PODXL: variants seen among roughly 807,000 people sequenced by gnomAD.
PODXL encodes podocalyxin like.
A neutral mutation model predicts 48.9 loss-of-function variants in PODXL; 20 were observed. The ratio of observed to expected loss-of-function variants is 0.41; its 90% CI spans 0.29 to 0.59. The LOEUF (loss-of-function observed/expected upper bound fraction) is 0.59. PODXL is among the 20% of genes least tolerant of loss of function. The pLI, the probability that PODXL is intolerant of heterozygous loss-of-function variation, is 0.31. For missense variants in PODXL, 606 were observed against 675.1 expected, an observed-to-expected ratio of 0.90 and a Z score of 1.13; for synonymous variants, 295 against 287.4, an observed-to-expected ratio of 1.03 and a Z score of -0.27.
chr7:131,545,185 C>T (rs150776120), intron 1 of PODXL, among the ~76,000 whole-genome samples: 32 of 152,302 alleles, frequency 2.1e-4, no homozygotes, highest in African/African-American at 7.0e-4. Context: ...TTTAACAGAG[C>T]CTCCCACTTC....
chr7:131,538,633 AC>A (rs1268133682), intron 1 of PODXL, among the ~76,000 whole-genome samples: 1 of 151,990 alleles, frequency 6.6e-6, no homozygotes, highest in Non-Finnish European at 1.5e-5. Flanking sequence ...AATTCAATCG[AC>A]GGTGCCACCC....
intron 1 of PODXL, among the ~76,000 whole-genome samples, chr7:131,553,424 AT>A (rs1798696309): frequency 6.6e-6 from 1 of 152,166 alleles, no homozygotes; most frequent in Non-Finnish European, 1.5e-5. Context: ...CATTGGCAGG[AT>A]CCCAATGCCT....
rs1797875008 is a variant in PODXL, at chr7:131,509,574, T to C, written c.814A>G (p.Ile272Val). Reference sequence around the variant, plus strand: ...GAGGTCTGTTGAGTTCTTTGCGAGATAACCGATGACGCTGTCATTGGGAAA... The same window carrying C: ...GAGGTCTGTTGAGTTCTTTGCGAGACAACCGATGACGCTGTCATTGGGAAA... ...QSAGITASSV[I>V]SQRTQQTSSQ... is the part of the protein sequence containing the mutation. The change falls in exon 4 of 9, where the codon ATC becomes GTC. Residue 272 changes from isoleucine to valine, a missense_variant. By Grantham distance (29) the Ile-to-Val change is conservative (BLOSUM62 3). Transcript: ENST00000378555. The C allele has an allele frequency of 6.5e-7, 1 of 1,549,110 alleles. No homozygotes were observed. The highest frequency in any genetic ancestry group is 1.2e-5 in the South Asian group (1 of 81,426).
intron 1 of PODXL, among the ~76,000 whole-genome samples, chr7:131,540,104 G>A (rs576115531): frequency 3.4e-4 from 51 of 152,182 alleles, no homozygotes; most frequent in Non-Finnish European, 4.9e-4. Flanking sequence ...GTGCGGTGGC[G>A]CGATCACGGC....
intron 1 of PODXL, among the ~76,000 whole-genome samples, chr7:131,525,409 C>CA (rs1028859975): frequency 1.8e-4 from 17 of 96,464 alleles, no homozygotes; most frequent in African/African-American, 7.0e-4. Context: ...GCCAACATGG[C>CA]AAAACCTCAT....
At chr7:131,532,428 T>A (rs1798295314) in intron 1 of PODXL, among the ~76,000 whole-genome samples, 1 of 142,522 alleles carries the variant, frequency 7.0e-6, no homozygotes, top group Admixed American at 7.1e-5. Context: ...AAAGCAAGAC[T>A]CCGTCTCAAA....
intron 8 of PODXL, among the ~76,000 whole-genome samples, chr7:131,504,866 A>T (rs1450014868): frequency 6.6e-6 from 1 of 152,174 alleles, no homozygotes; most frequent in Non-Finnish European, 1.5e-5. Context: ...AAACACTATT[A>T]AAAAATGACC....
chr7:131,530,759 GA>G lies in PODXL; in HGVS notation c.101-19327del, dbSNP rs886450674. Among the ~76,000 whole-genome samples, 629 of 71,730 alleles carry G rather than the reference GA, an allele frequency of 8.8e-3. 2 individuals carry two copies. The highest frequency in any genetic ancestry group is 0.017 in the African/African-American group (328 of 19,628). The allele number at this position is 71,730 out of a possible 152,430, so 47.1% of individuals were successfully genotyped here. On this transcript the variant is annotated intron_variant, in intron 1 of 8. Coordinates refer to ENST00000378555, the MANE Select transcript of PODXL (RefSeq NM_001018111.3). ...GGCAATGGGGAAAGATCATGTCTCA[GA>G]AAAAAAAAAAAAAAAAAGGCCAGGT...
chr7:131,555,879 T>A (rs1178086432), intron 1 of PODXL, among the ~76,000 whole-genome samples: 2 of 152,124 alleles, frequency 1.3e-5, no homozygotes, highest in Non-Finnish European at 2.9e-5. Flanking sequence ...AGCCCCTCAT[T>A]CCCTCCAACA....
At chr7:131,515,550 C>T (rs1418065225) in intron 1 of PODXL, among the ~76,000 whole-genome samples, 1 of 152,068 alleles carries the variant, frequency 6.6e-6, no homozygotes, top group African/African-American at 2.4e-5. Flanking sequence ...TACAAGTGCA[C>T]GCCACCATGC....
chr7:131,533,450 C>T (rs903943699), intron 1 of PODXL, among the ~76,000 whole-genome samples: 9 of 152,334 alleles, frequency 5.9e-5, no homozygotes, highest in East Asian at 3.9e-4. Context: ...CTGGCCTGCC[C>T]GGCACCCGCT....
intron 1 of PODXL, among the ~76,000 whole-genome samples, chr7:131,522,229 T>G (rs1798103482): frequency 6.6e-6 from 1 of 152,108 alleles, no homozygotes; most frequent in Admixed American, 6.5e-5. Context: ...GGTGGGTAGA[T>G]CACCTGAGGT....
chr7:131,505,953 G>A lies in PODXL; in HGVS notation c.1394C>T (p.Thr465Ile). The A allele has an allele frequency of 1.2e-6, 2 of 1,608,302 alleles. No homozygotes were observed. Among genetic ancestry groups the A allele is most frequent in the Non-Finnish European group, 1.7e-6 (2 of 1,177,840 alleles). Residue 465 changes from threonine to isoleucine, a missense_variant, in exon 8 of 9, where the codon ACC (threonine) becomes ATC (isoleucine). By Grantham distance (89) the Thr-to-Ile change is moderately conservative. Transcript: ENST00000378555. ...CAGGAATGATGCCATGCAGACGATG[G>A]TGATGATGAGGGGCATGCTGAAGCG... ...EDRFSMPLII[T>I]IVCMASFLLL...
chr7:131,524,409 A>AG (rs760491817), intron 1 of PODXL, among the ~76,000 whole-genome samples: 7 of 72,138 alleles, frequency 9.7e-5, no homozygotes, highest in Non-Finnish European at 1.6e-4. Flanking sequence ...GAGAGAGAGA[A>AG]AACAACAAGG....
At chr7:131,542,394 G>A (rs914368613) in intron 1 of PODXL, among the ~76,000 whole-genome samples, 2 of 152,154 alleles carry the variant, frequency 1.3e-5, no homozygotes, top group Non-Finnish European at 2.9e-5. Flanking sequence ...GGTGACTCAC[G>A]CCTGTAATCC....
At chr7:131,515,786 G>C (rs866544589) in intron 1 of PODXL, among the ~76,000 whole-genome samples, 1 of 152,114 alleles carries the variant, frequency 6.6e-6, no homozygotes, top group Non-Finnish European at 1.5e-5. Context: ...GAATTCACTT[G>C]CCAGGAAGCT....
intron 1 of PODXL, among the ~76,000 whole-genome samples, chr7:131,538,101 C>T (rs1228866940): frequency 1.3e-5 from 2 of 152,160 alleles, no homozygotes; most frequent in Non-Finnish European, 2.9e-5. Flanking sequence ...GCACAGGGCC[C>T]ACTGTGGCCC....
chr7:131,512,648 C>T (rs1350652866), intron 1 of PODXL, among the ~76,000 whole-genome samples: 2 of 151,994 alleles, frequency 1.3e-5, no homozygotes, highest in African/African-American at 4.8e-5. Context: ...ACTGAGCGTC[C>T]AAACCAGACA....
At chr7:131,546,725 CAAAAAAAAA>C (rs10593482) in intron 1 of PODXL, among the ~76,000 whole-genome samples, 1 of 50,120 alleles carries the variant, frequency 2.0e-5, no homozygotes, top group Non-Finnish European at 3.9e-5. Flanking sequence ...GGCCCTGTCT[CAAAAAAAAA>C]AAAAAAAAAA....
Sources: allele counts gnomAD v4.1 joint callset (sites outside exome capture counted in the v4.1 genomes callset), GRCh38; gene constraint gnomAD v4.1.1; transcripts MANE v1.5; gene names NCBI Gene and HGNC (gene_info 2026-07-23, HGNC 2026-07-21).